The following TRMT11 variants were observed in gnomAD, a reference collection of about 807,000 sequenced individuals.
TRMT11 encodes tRNA methyltransferase 11.
Under a neutral mutation model 62.8 loss-of-function variants are expected in TRMT11, and 53 were observed. That is an observed-to-expected ratio of 0.84 (90% confidence interval 0.68 to 1.06). The LOEUF (loss-of-function observed/expected upper bound fraction) is 1.06, where lower values mean the gene tolerates loss of function less well. TRMT11 is among the 50% of genes least tolerant of loss of function. The pLI, the probability that TRMT11 is intolerant of heterozygous loss-of-function variation, is 0.00. For missense variants in TRMT11, 556 were observed against 553.4 expected, an observed-to-expected ratio of 1.00 and a Z score of -0.05; for synonymous variants, 188 against 190.3, an observed-to-expected ratio of 0.99 and a Z score of 0.10.
chr6:126,222,753 A>T, the TRMT11 span, among the ~76,000 whole-genome samples: 1 of 152,202 alleles, frequency 6.6e-6, no homozygotes, highest in African/African-American at 2.4e-5. Context: ...TAAAGACAGC[A>T]TATAGTGTTA....
At chr6:126,206,570 C>A (rs1778793896), downstream of TRMT11, among the ~76,000 whole-genome samples, 1 of 152,174 alleles carries the variant, frequency 6.6e-6, no homozygotes, top group South Asian at 2.1e-4. Context: ...TACAAAAACA[C>A]TTCATATGTT....
intron 21 of TRMT11, among the ~76,000 whole-genome samples, chr6:126,171,788 G>A (rs989953725): frequency 2.6e-5 from 4 of 151,664 alleles, no homozygotes; most frequent in African/African-American, 4.8e-5. Context: ...GTGTGATCTC[G>A]GCTCACTGCA....
rs373221828 is a variant in TRMT11 at position 126,068,969 on chromosome 6, G to A, written c.*1437+15779G>A. Among the ~76,000 whole-genome samples the A allele has an allele frequency of 6.6e-5, 10 of 152,290 alleles. No homozygotes were observed. In the East Asian group the frequency reaches 1.7e-3, roughly 26 times the overall value. ...GGTTTTTGTAGGAACTAGCCTTTGG[G>A]CCAGCAGTTGTCCAGGCTTGAAAGC... On this transcript the variant is annotated intron_variant and NMD_transcript_variant, in intron 17 of 22. Transcript: ENST00000648977.
At position 126,075,765 on chromosome 6, in the gene TRMT11, C is replaced by T. The variant is rs958324894; in HGVS notation, c.*1437+22575C>T. ...GCAACAGACAAATCCCCAAGTTTCC[C>T]ACTCAAATAAAGTTTATTTTTTGCT... On this transcript the variant is annotated intron_variant and NMD_transcript_variant, in intron 17 of 22. Coordinates refer to the TRMT11 transcript ENST00000648977. 2.6e-5 allele frequency among the ~76,000 whole-genome samples: 4 copies of T among 152,022 alleles called. No homozygotes were observed. In the East Asian group the frequency reaches 7.7e-4, roughly 29 times the overall value.
chr6:126,130,467 C>G (rs1777768586), intron 21 of TRMT11, among the ~76,000 whole-genome samples: 3 of 152,022 alleles, frequency 2.0e-5, no homozygotes, highest in Non-Finnish European at 4.4e-5. Context: ...GGCTGCCCAG[C>G]CAGAACGGGA....
intron 11 of TRMT11, among the ~76,000 whole-genome samples, chr6:126,019,571 AT>A (rs1304377626): frequency 6.6e-6 from 1 of 152,122 alleles, no homozygotes; most frequent in African/African-American, 2.4e-5. Context: ...GAAGTAAAAA[AT>A]TTTTTTCCTT....
intron 17 of TRMT11, among the ~76,000 whole-genome samples, chr6:126,102,538 C>T (rs1181531854): frequency 1.3e-5 from 2 of 151,728 alleles, no homozygotes; most frequent in Non-Finnish European, 2.9e-5. Context: ...ATAAACAAGC[C>T]CTTTGTTCTC....
intron 21 of TRMT11, among the ~76,000 whole-genome samples, chr6:126,151,956 C>CT (rs1169587047): frequency 0.014 from 812 of 58,320 alleles, 48 homozygotes; most frequent in African/African-American, 0.021. Context: ...TTCTTTCTTT[C>CT]TTTTCTTTCT....
intron 21 of TRMT11, among the ~76,000 whole-genome samples, chr6:126,154,879 C>G (rs759263536): frequency 2.6e-5 from 4 of 152,098 alleles, no homozygotes; most frequent in Non-Finnish European, 5.9e-5. Context: ...GCTCGTGCAC[C>G]CTTGATTTTG....
chr6:126,055,977 C>G (rs1463468503), intron 17 of TRMT11, among the ~76,000 whole-genome samples: 2 of 152,186 alleles, frequency 1.3e-5, no homozygotes, highest in Non-Finnish European at 2.9e-5. Context: ...ACCACTGTCA[C>G]AGATGGCTTA....
chr6:126,036,370 T>C (rs371846389), intron 12 of TRMT11, among the ~76,000 whole-genome samples: 18 of 152,192 alleles, frequency 1.2e-4, no homozygotes, highest in African/African-American at 4.3e-4. Flanking sequence ...GGTCTCAGTA[T>C]GGAGAATACA....
the TRMT11 span, among the ~76,000 whole-genome samples, chr6:126,224,950 G>T: frequency 6.6e-6 from 1 of 152,154 alleles, no homozygotes; most frequent in Non-Finnish European, 1.5e-5. Context: ...GTAGCTGCTG[G>T]GAAGGACCTG....
chr6:126,171,916 A>C (rs994356027), intron 21 of TRMT11, among the ~76,000 whole-genome samples: 12 of 152,006 alleles, frequency 7.9e-5, no homozygotes, highest in African/African-American at 2.4e-5. Flanking sequence ...GAAAGGTTTC[A>C]TCATATTGGC....
the TRMT11 span, among the ~76,000 whole-genome samples, chr6:126,244,900 C>T: frequency 3.9e-5 from 6 of 152,034 alleles, no homozygotes; most frequent in Non-Finnish European, 7.4e-5. Context: ...TTGGTCAAGA[C>T]GTTTAACTTT....
chr6:126,182,462 T>C (rs1778478382), intron 1 of TRMT11, among the ~76,000 whole-genome samples: 1 of 152,084 alleles, frequency 6.6e-6, no homozygotes, highest in Non-Finnish European at 1.5e-5. Context: ...ACTGTGCATC[T>C]GGGCTAATGG....
At chr6:126,201,519 A>G (rs1187615800) in intron 3 of TRMT11, among the ~76,000 whole-genome samples, 1 of 152,168 alleles carries the variant, frequency 6.6e-6, no homozygotes, top group Admixed American at 6.5e-5. Context: ...TCCGGATCCT[A>G]TCAATTACAC....
At chr6:126,075,261 G>C (rs1473659035) in intron 17 of TRMT11, among the ~76,000 whole-genome samples, 1 of 152,062 alleles carries the variant, frequency 6.6e-6, no homozygotes, top group Non-Finnish European at 1.5e-5. Context: ...CATAAATAAG[G>C]TTTTATTTAA....
the TRMT11 span, among the ~76,000 whole-genome samples, chr6:126,232,273 A>G: frequency 1.9e-4 from 29 of 152,212 alleles, no homozygotes; most frequent in Admixed American, 6.6e-5. Flanking sequence ...CTACAAAAGT[A>G]AGAGATTCCC....
At chr6:126,023,673 AAACCACACTGCCTGATGCAATAAT>A (rs2127999791) in intron 12 of TRMT11, among the ~76,000 whole-genome samples, 1 of 152,166 alleles carries the variant, frequency 6.6e-6, no homozygotes, top group Admixed American at 6.5e-5. Flanking sequence ...AAAAAAATAA[AAACCACACTGCCTGATGCAATAAT>A]ATGTTGTATG....
Sources: allele counts gnomAD v4.1 joint callset (sites outside exome capture counted in the v4.1 genomes callset), GRCh38; gene constraint gnomAD v4.1.1; transcripts MANE v1.5; gene names NCBI Gene and HGNC (gene_info 2026-07-23, HGNC 2026-07-21).